Variants in SYN3 observed in about 807,000 individuals in gnomAD.
The protein encoded by SYN3 is synapsin III, also known as synapsin-3.
A neutral mutation model predicts 65.8 loss-of-function variants in SYN3; 35 were observed. The ratio of observed to expected loss-of-function variants is 0.53; its 90% confidence interval spans 0.41 to 0.70. SYN3 has a LOEUF of 0.70. Ranked by LOEUF, SYN3 falls within the 30% of genes least tolerant of loss-of-function variation. SYN3 has a pLI of 0.00. For synonymous variants in SYN3, 270 were observed against 292.9 expected, an observed-to-expected ratio of 0.92 and a Z score of 0.80; for missense variants, 680 against 749.0, an observed-to-expected ratio of 0.91 and a Z score of 1.08.
intron 1 of SYN3, among the ~76,000 whole-genome samples, chr22:33,021,574 T>C (rs2053559607): frequency 1.3e-5 from 2 of 152,318 alleles, no homozygotes; most frequent in South Asian, 4.1e-4. Flanking sequence ...TTCCTGTGCA[T>C]TAGTTGCCTT....
At chr22:32,624,997 G>A (rs2059645674) in intron 6 of SYN3, among the ~76,000 whole-genome samples, 1 of 152,222 alleles carries the variant, frequency 6.6e-6, no homozygotes. Context: ...TGGCTTCAGA[G>A]ACCATGAAGA....
intron 6 of SYN3, among the ~76,000 whole-genome samples, chr22:32,646,842 G>A (rs1198526728): frequency 6.6e-6 from 1 of 152,220 alleles, no homozygotes; most frequent in African/African-American, 2.4e-5. Flanking sequence ...CTGTGGTTCT[G>A]TTTTGGATGA....
At chr22:32,774,447 CCCT>C (rs1277643772) in intron 6 of SYN3, among the ~76,000 whole-genome samples, 5 of 152,198 alleles carry the variant, frequency 3.3e-5, no homozygotes, top group Non-Finnish European at 7.4e-5. Flanking sequence ...TAAGGAAGGA[CCCT>C]CCTCCCCTCG....
chr22:32,942,218 C>CA (rs1334714200), intron 3 of SYN3, among the ~76,000 whole-genome samples: 1 of 152,250 alleles, frequency 6.6e-6, no homozygotes, highest in African/African-American at 2.4e-5. Flanking sequence ...ACTGACACCT[C>CA]ACACGGCCAG....
chr22:32,899,097 T>A (rs2049683981), intron 4 of SYN3, among the ~76,000 whole-genome samples: 2 of 4,452 alleles, frequency 4.5e-4, no homozygotes, highest in South Asian at 0.016. Flanking sequence ...TGAGACTCTG[T>A]CTCAAAAACA....
At chr22:32,730,516 T>C (rs1346850219) in intron 6 of SYN3, among the ~76,000 whole-genome samples, 1 of 152,210 alleles carries the variant, frequency 6.6e-6, no homozygotes, top group Non-Finnish European at 1.5e-5. Flanking sequence ...GAGGATGAGT[T>C]GACAGTGTGT....
In SYN3 at chr22:32,858,394, G is replaced by T. The variant is rs77477856; in HGVS notation, c.711+6521C>A. 7.9e-3 allele frequency among the ~76,000 whole-genome samples: 1,204 copies of T among 152,286 alleles called. 20 individuals carry two copies. The highest frequency in any genetic ancestry group is 0.028 in the African/African-American group (1,154 of 41,554). ...TGATGACCACTTGGAAGCTGCTGGG[G>T]CATGAGGGCTCTTGAGTCCCTGGCC... On this transcript the variant is annotated intron_variant, in intron 6 of 13. Coordinates refer to ENST00000358763, the MANE Select transcript of SYN3 (RefSeq NM_003490.4).
chr22:33,027,962 A>C (rs2053667190), intron 1 of SYN3, among the ~76,000 whole-genome samples: 1 of 152,194 alleles, frequency 6.6e-6, no homozygotes, highest in African/African-American at 2.4e-5. Context: ...AACGCTTATC[A>C]ACACTCTTTG....
chr22:32,545,549 G>C (rs1352350894), intron 7 of SYN3, among the ~76,000 whole-genome samples: 1 of 150,650 alleles, frequency 6.6e-6, no homozygotes, highest in Non-Finnish European at 1.5e-5. Flanking sequence ...TGGAACCCAG[G>C]TCTCTCTCTC....
chr22:32,833,092 G>A (rs2047625376), intron 6 of SYN3, among the ~76,000 whole-genome samples: 2 of 152,148 alleles, frequency 1.3e-5, no homozygotes, highest in Non-Finnish European at 1.5e-5. Context: ...TGATGGTGAA[G>A]TCTCAAGCTG....
At chr22:32,774,624 G>A (rs1015824616) in intron 6 of SYN3, among the ~76,000 whole-genome samples, 1 of 151,694 alleles carries the variant, frequency 6.6e-6, no homozygotes, top group Admixed American at 6.6e-5. Context: ...CCGATATGGA[G>A]TTTTCTTGCC....
chr22:32,698,717 T>C lies in SYN3; in HGVS notation c.712-101981A>G, dbSNP rs575128177. Among the ~76,000 whole-genome samples, 7 of 152,314 alleles carry C rather than the reference T, an allele frequency of 4.6e-5. No individual in the cohort carries two copies. The East Asian group carries it at 9.6e-4, about 21-fold the overall frequency. ...CATTTTAGGTAGTTAGTAAATGCAA[T>C]TGGAAATACACATTGTTATTGAAAG... On this transcript the variant is annotated intron_variant, in intron 6 of 13. Coordinates refer to ENST00000358763, the MANE Select transcript of SYN3 (RefSeq NM_003490.4).
At chr22:32,934,873 G>A (rs1191268442) in intron 3 of SYN3, among the ~76,000 whole-genome samples, 2 of 152,116 alleles carry the variant, frequency 1.3e-5, no homozygotes, top group Admixed American at 1.3e-4. Context: ...AAGAGACGAG[G>A]AAAAGACAGA....
At chr22:32,912,654 G>T (rs921154280) in intron 4 of SYN3, among the ~76,000 whole-genome samples, 1 of 152,054 alleles carries the variant, frequency 6.6e-6, no homozygotes, top group African/African-American at 2.4e-5. Flanking sequence ...TCAGGAGATT[G>T]AGGCTGCAGT....
chr22:32,891,582 C>A (rs193062835), intron 4 of SYN3, among the ~76,000 whole-genome samples: 6 of 152,180 alleles, frequency 3.9e-5, no homozygotes, highest in Non-Finnish European at 7.3e-5. Context: ...GCTTGCCATC[C>A]GACTTCGGTT....
At chr22:32,601,497 T>C (rs1305210509) in intron 6 of SYN3, among the ~76,000 whole-genome samples, 3 of 152,224 alleles carry the variant, frequency 2.0e-5, no homozygotes, top group East Asian at 3.9e-4. Flanking sequence ...CAGAATGGTC[T>C]GGATCTCCTG....
At chr22:32,552,431 CTT>C (rs1288129869) in intron 7 of SYN3, among the ~76,000 whole-genome samples, 12 of 126,122 alleles carry the variant, frequency 9.5e-5, no homozygotes, top group Non-Finnish European at 1.5e-4. Flanking sequence ...TTTTTTTTTT[CTT>C]TTTTTTTTTT....
chr22:32,733,315 T>A (rs2061295338), intron 6 of SYN3, among the ~76,000 whole-genome samples: 1 of 152,210 alleles, frequency 6.6e-6, no homozygotes, highest in Non-Finnish European at 1.5e-5. Context: ...CACACAATTA[T>A]GATGATGCAT....
At chr22:32,959,189 T>C (rs1343199693) in intron 3 of SYN3, among the ~76,000 whole-genome samples, 1 of 152,146 alleles carries the variant, frequency 6.6e-6, no homozygotes, top group East Asian at 1.9e-4. Flanking sequence ...TTTCACGAGA[T>C]CTGATTGTTT....
Sources: allele counts gnomAD v4.1 joint callset (sites outside exome capture counted in the v4.1 genomes callset), GRCh38; gene constraint gnomAD v4.1.1; transcripts MANE v1.5; gene names NCBI Gene and HGNC (gene_info 2026-07-23, HGNC 2026-07-21).